WNT3A: variants seen among roughly 807,000 people sequenced by gnomAD.
WNT3A encodes the protein Wnt family member 3A, also known as protein Wnt-3a.
A neutral mutation model predicts 37.0 loss-of-function variants in WNT3A; 17 were observed. The ratio of observed to expected loss-of-function variants is 0.46; its 90% CI spans 0.31 to 0.69. WNT3A has a LOEUF of 0.69. Among genes scored for constraint, WNT3A ranks in the 30% least tolerant of loss-of-function variants. The probability of loss-of-function intolerance (pLI) is 0.05; values close to 1 mark genes in which losing one functional copy is unlikely to be tolerated. For synonymous variants in WNT3A, 187 were observed against 211.0 expected (o/e 0.89, Z 0.99); for missense variants, 411 against 510.2 (o/e 0.81, Z 1.87).
chr1:228,036,262 G>A (rs2031139677), intron 2 of WNT3A, among the ~76,000 whole-genome samples: 1 of 152,180 alleles, frequency 6.6e-6, no homozygotes, highest in Admixed American at 6.5e-5. Flanking sequence ...CCAGCCTCTT[G>A]TGTGTGTGTG....
chr1:228,054,681 T>C (rs1333276257), intron 3 of WNT3A, among the ~76,000 whole-genome samples: 2 of 124,674 alleles, frequency 1.6e-5, no homozygotes, highest in South Asian at 5.0e-4. Flanking sequence ...TCAAAGATAA[T>C]CTATCACATG....
intron 1 of WNT3A, among the ~76,000 whole-genome samples, chr1:228,015,704 C>T (rs1374010992): frequency 1.4e-5 from 2 of 146,216 alleles, no homozygotes; most frequent in African/African-American, 5.1e-5. Flanking sequence ...ACCACCCCCG[C>T]CTCCCCCCCA....
rs887956696 is a variant in WNT3A, at chr1:228,042,922, G to T, written c.314-7734G>T. The stretch of plus-strand genomic sequence containing the variant: ...GTACATGATGGATAGTAGATATATG[G>T]ATGATGGATGGATGGATGGTGAATG... On this transcript the variant is annotated intron_variant, in intron 2 of 3. Coordinates refer to ENST00000284523, the MANE Select transcript of WNT3A (RefSeq NM_033131.4). This position sits in a 1 kb window ranked among gnomAD's most constrained non-coding sequence, Gnocchi z 5.2. Among the ~76,000 whole-genome samples the T allele has an allele frequency of 1.3e-5, 2 of 151,946 alleles. No individual in the cohort carries two copies. Among genetic ancestry groups the T allele is most frequent in the African/African-American group, 4.8e-5 (2 of 41,356 alleles).
rs1231375256 is a variant in WNT3A at position 228,060,576 on chromosome 1, C to A, written c.*1111C>A. ...CAAAGAGGCCCGCCCTGCCCGGGCT[C>A]CCACACCGTCAGGTACTCCTGCCAG... On this transcript the variant is annotated 3_prime_UTR_variant, in exon 4 of 4. Transcript: ENST00000284523. 2 of 255,292 alleles carry A rather than the reference C, an allele frequency of 7.8e-6. No individual in the cohort carries two copies. Among genetic ancestry groups the A allele is most frequent in the Non-Finnish European group, 1.6e-5 (2 of 125,352 alleles). 15.8% of individuals were successfully genotyped at this position (255,292 alleles called of 1,614,324 possible). A position where few individuals can be genotyped will look rare whatever the true frequency, so the allele number is the denominator to read the frequency against.
At chr1:228,014,198 A>G (rs377373998) in intron 1 of WNT3A, among the ~76,000 whole-genome samples, 15 of 152,168 alleles carry the variant, frequency 9.9e-5, no homozygotes, top group African/African-American at 3.6e-4. Flanking sequence ...CATTCCATGC[A>G]CTGCTCCCCT....
At chr1:228,057,657 T>C (rs2031707354) in intron 3 of WNT3A, among the ~76,000 whole-genome samples, 1 of 152,102 alleles carries the variant, frequency 6.6e-6, no homozygotes, top group Admixed American at 6.5e-5. Flanking sequence ...GGAGGCAGGA[T>C]TGGGACCCAG....
At position 228,058,971 on chromosome 1, in the gene WNT3A, G is replaced by T. The variant is rs979792507; in HGVS notation, c.580-15G>T. On this transcript the variant is annotated splice_polypyrimidine_tract_variant and intron_variant, in intron 3 of 3. Transcript: ENST00000284523. Reference sequence around the variant, plus strand: ...GGGGGCCGCCCTGACGCTGGCTCCTGCGCGTGCCCCGCAGGCCATCGCCAG... The same window carrying T: ...GGGGGCCGCCCTGACGCTGGCTCCTTCGCGTGCCCCGCAGGCCATCGCCAG... 13 of 1,598,832 alleles carry T rather than the reference G, an allele frequency of 8.1e-6. No homozygotes were observed. The highest frequency in any genetic ancestry group is 1.0e-5 in the Non-Finnish European group (12 of 1,172,214).
At chr1:228,028,372 C>A (rs1027933869) in intron 2 of WNT3A, among the ~76,000 whole-genome samples, 3 of 149,680 alleles carry the variant, frequency 2.0e-5, no homozygotes, top group African/African-American at 7.4e-5. Context: ...CGGCTCACTG[C>A]AACCTCTGCC....
At position 228,008,444 on chromosome 1, in the gene WNT3A, G is replaced by A. The variant is rs976484060; in HGVS notation, c.71+1245G>A. Among the ~76,000 whole-genome samples the A allele has an allele frequency of 6.6e-6, 1 of 152,238 alleles. No homozygotes were observed. The highest frequency in any genetic ancestry group is 1.5e-5 in the Non-Finnish European group (1 of 68,036). On this transcript the variant is annotated intron_variant, in intron 1 of 3. Transcript: ENST00000284523. The surrounding 1 kb of genome is among the most constrained non-coding windows in gnomAD (Gnocchi z 4.9). ...GGGGCGCCGGGCCAGGAGCAGCGGGGAGGGGAAGGGGCAGCCCTAGGCAGC... is the reference window on the plus strand; with the variant it reads ...GGGGCGCCGGGCCAGGAGCAGCGGGAAGGGGAAGGGGCAGCCCTAGGCAGC...
chr1:228,037,666 G>T lies in WNT3A; in HGVS notation c.314-12990G>T, dbSNP rs769186706. On this transcript the variant is annotated intron_variant, in intron 2 of 3. Coordinates refer to ENST00000284523, the MANE Select transcript of WNT3A (RefSeq NM_033131.4). The surrounding 1 kb of genome is among the most constrained non-coding windows in gnomAD (Gnocchi z 4.1). ...CGGAAAGTGTTGCCGTTTAAGATGC[G>T]TTGGGGTGGGGGGCTCCCCTGGCTC... Among the ~76,000 whole-genome samples the T allele has an allele frequency of 2.0e-5, 3 of 152,186 alleles. No individual in the cohort carries two copies. The highest frequency in any genetic ancestry group is 2.1e-4 in the South Asian group (1 of 4,832).
Position 228,060,893 on chromosome 1 carries a change from C to T in WNT3A, c.*1428C>T. ...GGGGGGCATCAACCCCCCGACTGTG[C>T]TGCTCGCGAAGGTCCCACAGCCCTG... On this transcript the variant is annotated 3_prime_UTR_variant, in exon 4 of 4. Transcript: ENST00000284523. The T allele has an allele frequency of 6.5e-6, 1 of 152,752 alleles. No individual in the cohort carries two copies. Among genetic ancestry groups the T allele is most frequent in the Non-Finnish European group, 1.5e-5 (1 of 68,218 alleles). 9.5% of individuals were successfully genotyped at this position (152,752 alleles called of 1,614,324 possible).
In WNT3A at chr1:228,059,826, CT is replaced by C; in HGVS notation, c.*362del. On this transcript the variant is annotated 3_prime_UTR_variant, in exon 4 of 4. Coordinates refer to ENST00000284523, the MANE Select transcript of WNT3A (RefSeq NM_033131.4). ...GGCTTCTCCTGCGGGGGCGAGGCCC[CT>C]CCCAGTAAGGGCGTGGCTCTGGGTG... 2 of 1,084,494 alleles carry C rather than the reference CT, an allele frequency of 1.8e-6. No homozygotes were observed. Among genetic ancestry groups the C allele is most frequent in the East Asian group, 6.9e-5 (1 of 14,566 alleles). The allele number at this position is 1,084,494 out of a possible 1,614,324, so 67.2% of individuals were successfully genotyped here.
At position 228,007,256 on chromosome 1, in the gene WNT3A, G is replaced by A. The variant is rs1043647748; in HGVS notation, c.71+57G>A. 19 of 1,538,608 alleles carry A rather than the reference G, an allele frequency of 1.2e-5. No homozygotes were observed. Among genetic ancestry groups the A allele is most frequent in the African/African-American group, 2.8e-5 (2 of 71,270 alleles). The stretch of plus-strand genomic sequence containing the variant: ...CCTGTGCGCCGCGCCCGCAGCAGAC[G>A]GTCCCCTCGGGCAGGGACCCCGCGG... On this transcript the variant is annotated intron_variant, in intron 1 of 3. Coordinates refer to ENST00000284523, the MANE Select transcript of WNT3A (RefSeq NM_033131.4). This position sits in a 1 kb window ranked among gnomAD's most constrained non-coding sequence, Gnocchi z 6.0.
intron 1 of WNT3A, among the ~76,000 whole-genome samples, chr1:228,012,752 G>T (rs60356098): frequency 1.3e-5 from 2 of 152,060 alleles, no homozygotes; most frequent in African/African-American, 4.8e-5. Context: ...CAGGTGCCAA[G>T]GAGGCTGGTT....
rs964115993 is a variant in WNT3A, at chr1:228,050,425, T to C, written c.314-231T>C. Among the ~76,000 whole-genome samples, 7 of 152,162 alleles carry C rather than the reference T, an allele frequency of 4.6e-5. No individual in the cohort carries two copies. The highest frequency in any genetic ancestry group is 9.7e-5 in the African/African-American group (4 of 41,424). On this transcript the variant is annotated intron_variant, in intron 2 of 3. Transcript: ENST00000284523. The surrounding 1 kb of genome is among the most constrained non-coding windows in gnomAD (Gnocchi z 5.0). ...CACTGGTTCCCCTTTACGCCCCCTT[T>C]CCCTTCTGCCACAAGTGGAAACAGC...
chr1:228,037,560 C>T lies in WNT3A; in HGVS notation c.314-13096C>T, dbSNP rs2031174339. On this transcript the variant is annotated intron_variant, in intron 2 of 3. Coordinates refer to ENST00000284523, the MANE Select transcript of WNT3A (RefSeq NM_033131.4). This position sits in a 1 kb window ranked among gnomAD's most constrained non-coding sequence, Gnocchi z 4.1. ...CCGGCACAGGGGTGGGGCCTGCCTGCTAGGACATGGGGACACACAGGGCAG... is the reference window on the plus strand; with the variant it reads ...CCGGCACAGGGGTGGGGCCTGCCTGTTAGGACATGGGGACACACAGGGCAG... 6.6e-6 allele frequency among the ~76,000 whole-genome samples: 1 copy of T among 152,168 alleles called. No individual in the cohort carries two copies. Among genetic ancestry groups the T allele is most frequent in the Admixed American group, 6.5e-5 (1 of 15,284 alleles).
intron 2 of WNT3A, among the ~76,000 whole-genome samples, chr1:228,043,472 G>A (rs2031335714): frequency 6.6e-6 from 1 of 152,218 alleles, no homozygotes; most frequent in African/African-American, 2.4e-5. Flanking sequence ...TGCTGACTGG[G>A]ATGATTTCCT....
At chr1:228,047,034 G>T (rs1347030905) in intron 2 of WNT3A, among the ~76,000 whole-genome samples, 2 of 152,148 alleles carry the variant, frequency 1.3e-5, no homozygotes, top group South Asian at 4.1e-4. Context: ...GGGCAAATTG[G>T]CTGAGAGGCC....
intron 1 of WNT3A, among the ~76,000 whole-genome samples, chr1:228,011,196 C>T (rs752787680): frequency 1.3e-5 from 2 of 151,930 alleles, no homozygotes; most frequent in Non-Finnish European, 2.9e-5. Flanking sequence ...GTCAGGCATA[C>T]GTGTGTGGTG....
Sources: allele counts gnomAD v4.1 joint callset (sites outside exome capture counted in the v4.1 genomes callset), GRCh38; gene constraint gnomAD v4.1.1; non-coding constraint Gnocchi (gnomAD v3.1); transcripts MANE v1.5; gene names NCBI Gene and HGNC (gene_info 2026-07-23, HGNC 2026-07-21).